Variants in DIAPH3 observed in about 807,000 individuals in gnomAD.
DIAPH3 encodes protein diaphanous homolog 3.
A neutral mutation model predicts 144.3 loss-of-function variants in DIAPH3; 117 were observed. That is an observed-to-expected ratio of 0.81 (90% confidence interval 0.70 to 0.95). The LOEUF is 0.95. DIAPH3 is among the 40% of genes least tolerant of loss of function. The pLI is 0.00. For synonymous variants in DIAPH3, 519 were observed against 488.9 expected (o/e 1.06, Z -0.81); for missense variants, 1,421 against 1,412.7 (o/e 1.01, Z -0.09).
At chr13:60,072,986 A>G (rs9570254) in intron 4 of DIAPH3, among the ~76,000 whole-genome samples, 9,630 of 152,182 alleles carry the variant, frequency 0.063, 459 homozygotes, top group East Asian at 0.28. Flanking sequence ...CTACAATGAT[A>G]ATATATTACT....
chr13:59,792,104 A>C (rs1168448562), intron 25 of DIAPH3, among the ~76,000 whole-genome samples: 1 of 152,206 alleles, frequency 6.6e-6, no homozygotes, highest in Non-Finnish European at 1.5e-5. Flanking sequence ...CTCTTAATTG[A>C]AAATGGGCTC....
chr13:59,971,254 C>CA (rs1479574813), intron 15 of DIAPH3, 94 bp from the exon 16 acceptor site: 7 of 1,190,760 alleles, frequency 5.9e-6, no homozygotes, highest in Non-Finnish European at 8.1e-6. Flanking sequence ...TCATTTAAAC[C>CA]AAAAATAATT....
In DIAPH3 at chr13:60,143,464, T is replaced by C. The variant is rs531415633; in HGVS notation, c.181-10475A>G. ...CCCCATAGGCTTGGTAGAAGACTTA[T>C]AGAAAAGACCATGGTACACAAAATA... On this transcript the variant is annotated intron_variant, in intron 1 of 27. Transcript: ENST00000400324. Among the ~76,000 whole-genome samples the C allele has an allele frequency of 3.3e-5, 5 of 152,310 alleles. No individual in the cohort carries two copies. In the East Asian group the frequency reaches 5.8e-4, roughly 18 times the overall value.
intron 20 of DIAPH3, among the ~76,000 whole-genome samples, chr13:59,884,629 C>T (rs1400108101): frequency 6.6e-6 from 1 of 152,038 alleles, no homozygotes; most frequent in Non-Finnish European, 1.5e-5. Context: ...TGATCTAATA[C>T]ATCACAGAAT....
intron 27 of DIAPH3, among the ~76,000 whole-genome samples, chr13:59,762,748 T>C (rs1209344982): frequency 6.6e-6 from 1 of 152,170 alleles, no homozygotes; most frequent in African/African-American, 2.4e-5. Context: ...CTGCTATGGT[T>C]TGAATGGCTG....
At chr13:59,672,732 C>A (rs1008880774) in intron 27 of DIAPH3, among the ~76,000 whole-genome samples, 1 of 152,114 alleles carries the variant, frequency 6.6e-6, no homozygotes, top group Non-Finnish European at 1.5e-5. Flanking sequence ...GGTTTCATTT[C>A]GCTGTTTATC....
At chr13:60,005,655 G>A (rs2052815103) in intron 9 of DIAPH3, among the ~76,000 whole-genome samples, 1 of 151,884 alleles carries the variant, frequency 6.6e-6, no homozygotes, top group Admixed American at 6.6e-5. Context: ...TAATTTTTTT[G>A]TATTTTTAGT....
chr13:59,758,526 T>C (rs1224913543), intron 27 of DIAPH3, among the ~76,000 whole-genome samples: 2 of 152,230 alleles, frequency 1.3e-5, no homozygotes, highest in Non-Finnish European at 2.9e-5. Context: ...TCTAATTAAA[T>C]TCTGTTTCTT....
intron 20 of DIAPH3, among the ~76,000 whole-genome samples, chr13:59,909,995 T>C (rs2046912708): frequency 6.6e-6 from 1 of 152,222 alleles, no homozygotes; most frequent in Admixed American, 6.5e-5. Flanking sequence ...AGCAGTCTTC[T>C]TGAATCACTA....
chr13:60,122,135 T>C (rs2058862397), intron 2 of DIAPH3, among the ~76,000 whole-genome samples: 1 of 152,214 alleles, frequency 6.6e-6, no homozygotes. Flanking sequence ...TTCATCTTGA[T>C]CTGAACATAT....
intron 20 of DIAPH3, among the ~76,000 whole-genome samples, chr13:59,908,393 A>AAAAAAAAAAG (rs1555331342): frequency 1.8e-5 from 2 of 111,244 alleles, no homozygotes; most frequent in African/African-American, 3.1e-5. Context: ...AAAAAAAAAA[A>AAAAAAAAAAG]AGTAAGACAT....
intron 17 of DIAPH3, among the ~76,000 whole-genome samples, chr13:59,946,484 GA>G (rs1566555823): frequency 6.6e-6 from 1 of 152,102 alleles, no homozygotes; most frequent in African/African-American, 2.4e-5. Flanking sequence ...ATGCTCAATA[GA>G]TAGCATATGA....
intron 27 of DIAPH3, among the ~76,000 whole-genome samples, chr13:59,748,408 G>A (rs1290730564): frequency 1.3e-5 from 2 of 152,210 alleles, no homozygotes; most frequent in African/African-American, 2.4e-5. Context: ...AGAAAAAAAT[G>A]GATGTGCAGC....
chr13:59,727,039 G>GT (rs1244880121), intron 27 of DIAPH3, among the ~76,000 whole-genome samples: 3 of 151,950 alleles, frequency 2.0e-5, no homozygotes, highest in Non-Finnish European at 4.4e-5. Context: ...TTACATTAAT[G>GT]TTTTTTTCCT....
chr13:59,996,997 T>C (rs975210378), intron 9 of DIAPH3, among the ~76,000 whole-genome samples: 1 of 152,120 alleles, frequency 6.6e-6, no homozygotes, highest in Non-Finnish European at 1.5e-5. Context: ...CAAATGTGTT[T>C]ATTTGTACAA....
chr13:59,847,366 T>C (rs1254418304), intron 22 of DIAPH3, among the ~76,000 whole-genome samples: 1 of 152,118 alleles, frequency 6.6e-6, no homozygotes, highest in Non-Finnish European at 1.5e-5. Flanking sequence ...GTAGAGGAAA[T>C]GAATACAACC....
chr13:60,063,338 C>A (rs1442469625), intron 4 of DIAPH3, among the ~76,000 whole-genome samples: 1 of 152,210 alleles, frequency 6.6e-6, no homozygotes, highest in Admixed American at 6.5e-5. Flanking sequence ...TACACCACAT[C>A]TGCAGTTATT....
At chr13:59,790,242 G>T (rs2039256625) in intron 25 of DIAPH3, among the ~76,000 whole-genome samples, 2 of 152,188 alleles carry the variant, frequency 1.3e-5, no homozygotes, top group Non-Finnish European at 2.9e-5. Flanking sequence ...AGCTATGGTT[G>T]CCTAGTGATG....
At chr13:59,803,456 A>G (rs2040043010) in intron 25 of DIAPH3, among the ~76,000 whole-genome samples, 1 of 152,214 alleles carries the variant, frequency 6.6e-6, no homozygotes, top group South Asian at 2.1e-4. Context: ...AATAATATGA[A>G]AAACATTTTG....
Sources: allele counts gnomAD v4.1 joint callset (sites outside exome capture counted in the v4.1 genomes callset), GRCh38; gene constraint gnomAD v4.1.1; transcripts MANE v1.5; gene names NCBI Gene and HGNC (gene_info 2026-07-23, HGNC 2026-07-21).